Variants in NCS1 observed in about 807,000 individuals in gnomAD.
The protein encoded by NCS1 is frequenin homolog.
In NCS1, 6 loss-of-function variants were observed where a neutral mutation model predicts 28.4. The ratio of observed to expected loss-of-function variants is 0.21; its 90% CI spans 0.12 to 0.42. The LOEUF (loss-of-function observed/expected upper bound fraction) is 0.42. Ranked by LOEUF, NCS1 falls within the 10% of genes least tolerant of loss-of-function variation. The probability of loss-of-function intolerance (pLI) is 1.00; values close to 1 mark genes in which losing one functional copy is unlikely to be tolerated. For synonymous variants in NCS1, 86 were observed against 99.3 expected (o/e 0.87, Z 0.79); for missense variants, 131 against 241.4 (o/e 0.54, Z 3.03).
intron 1 of NCS1, among the ~76,000 whole-genome samples, chr9:130,184,792 T>TG (rs1404386947): frequency 3.8e-5 from 3 of 78,436 alleles, no homozygotes; most frequent in Non-Finnish European, 5.5e-5. Context: ...CACGCCTGGC[T>TG]AATTTTTTTT....
chr9:130,213,659 C>T (rs552614219), intron 2 of NCS1, among the ~76,000 whole-genome samples: 13 of 151,998 alleles, frequency 8.6e-5, no homozygotes, highest in Non-Finnish European at 1.9e-4. Flanking sequence ...GATCTCGGCT[C>T]ACTGCAACCT....
chr9:130,196,414 C>T (rs1247264712), intron 1 of NCS1, among the ~76,000 whole-genome samples: 1 of 152,148 alleles, frequency 6.6e-6, no homozygotes, highest in African/African-American at 2.4e-5. Flanking sequence ...AGGCTGCAGG[C>T]GTCTTGACCC....
rs41279184 is a variant in NCS1, at chr9:130,233,273, C to G, written c.*301C>G. ...ACTTGGCTGCCTCGCAGGCAGCCTCCGTTCCTCCCGCTCTCTTGCGCGTGT... is the reference window on the plus strand; with the variant it reads ...ACTTGGCTGCCTCGCAGGCAGCCTCGGTTCCTCCCGCTCTCTTGCGCGTGT... On this transcript the variant is annotated 3_prime_UTR_variant, in exon 8 of 8. Coordinates refer to ENST00000372398, the MANE Select transcript of NCS1 (RefSeq NM_014286.4). This position sits in a 1 kb window ranked among gnomAD's most constrained non-coding sequence, Gnocchi z 4.8. 5 of 152,202 alleles carry G rather than the reference C, an allele frequency of 3.3e-5. No homozygotes were observed. The highest frequency in any genetic ancestry group is 4.4e-5 in the Non-Finnish European group (3 of 68,044). 9.4% of individuals were successfully genotyped at this position (152,202 alleles called of 1,614,324 possible).
At chr9:130,205,314 G>A (rs1020960407) in intron 2 of NCS1, among the ~76,000 whole-genome samples, 12 of 151,968 alleles carry the variant, frequency 7.9e-5, no homozygotes, top group East Asian at 3.9e-4. Flanking sequence ...GGAGGCTCCC[G>A]CAGCAAAACA....
At chr9:130,176,173 TCTTTCTTTCTTTCTTTCTTTC>T (rs1564700749) in intron 1 of NCS1, among the ~76,000 whole-genome samples, 22 of 105,860 alleles carry the variant, frequency 2.1e-4, no homozygotes, top group African/African-American at 5.6e-4. Flanking sequence ...TTTCTTTCTT[TCTTTCTTTCTTTCTTTCTTTC>T]TTTTTTTTTT....
At position 130,210,843 on chromosome 9, in the gene NCS1, C is replaced by CTTTTTT. The variant is rs3055582; in HGVS notation, c.90-6981_90-6976dup. Among the ~76,000 whole-genome samples, 294 of 141,050 alleles carry CTTTTTT rather than the reference C, an allele frequency of 2.1e-3. 3 individuals are homozygous for CTTTTTT. Among genetic ancestry groups the CTTTTTT allele is most frequent in the African/African-American group, 7.4e-3 (286 of 38,510 alleles). 92.5% of individuals were successfully genotyped at this position (141,050 alleles called of 152,430 possible). On this transcript the variant is annotated intron_variant, in intron 2 of 7. Coordinates refer to ENST00000372398, the MANE Select transcript of NCS1 (RefSeq NM_014286.4). ...TTCAACACCTTTTTCTTTTTCTTTT[C>CTTTTTT]TTTTTTTTTTTTTGAGACAGGGTCT...
chr9:130,173,388 G>T (rs1227775835), intron 1 of NCS1, among the ~76,000 whole-genome samples: 1 of 152,160 alleles, frequency 6.6e-6, no homozygotes, highest in East Asian at 1.9e-4. Context: ...TAGCTGTCGC[G>T]GGCTGCCCGG....
rs782743095 is a variant in NCS1, at chr9:130,192,950, C to T, written c.65-8008C>T. On this transcript the variant is annotated intron_variant, in intron 1 of 7. Transcript: ENST00000372398. This position sits in a 1 kb window ranked among gnomAD's most constrained non-coding sequence, Gnocchi z 4.8. ...TGTCCTCTCTCACAGATGGGGAAAC[C>T]GAAACCCAAACTGGGGAAAAAACCG... 6.6e-5 allele frequency among the ~76,000 whole-genome samples: 10 copies of T among 152,208 alleles called. No homozygotes were observed. The highest frequency in any genetic ancestry group is 9.6e-5 in the African/African-American group (4 of 41,456).
intron 2 of NCS1, among the ~76,000 whole-genome samples, chr9:130,205,004 G>A (rs572823433): frequency 1.3e-5 from 2 of 152,152 alleles, no homozygotes; most frequent in South Asian, 2.1e-4. Flanking sequence ...AAAACCCCAG[G>A]CCCCGACATA....
At chr9:130,224,013 A>AT (rs1229802909) in intron 6 of NCS1, among the ~76,000 whole-genome samples, 1 of 151,640 alleles carries the variant, frequency 6.6e-6, no homozygotes, top group Non-Finnish European at 1.5e-5. Context: ...TACCTGGCTA[A>AT]TTTTTTGTAT....
At chr9:130,228,166 A>T (rs1033548407) in intron 7 of NCS1, among the ~76,000 whole-genome samples, 1 of 151,856 alleles carries the variant, frequency 6.6e-6, no homozygotes, top group Non-Finnish European at 1.5e-5. Flanking sequence ...TGGAAGTGAT[A>T]TCCATCACTT....
rs556362184 is a variant in NCS1 at position 130,219,323 on chromosome 9, T to C, written c.229-402T>C. The stretch of plus-strand genomic sequence containing the variant: ...CTTCATTTGCAAATAAGAGGTGGAA[T>C]TAAACAACCTGCAGCGGCCTTTCCT... On this transcript the variant is annotated intron_variant, in intron 3 of 7. Transcript: ENST00000372398. This position sits in a 1 kb window ranked among gnomAD's most constrained non-coding sequence, Gnocchi z 5.7. Among the ~76,000 whole-genome samples the C allele has an allele frequency of 8.5e-5, 13 of 152,262 alleles. No individual in the cohort carries two copies. The East Asian group carries it at 2.5e-3, about 30-fold the overall frequency.
chr9:130,172,753 C>T, intron 1 of NCS1, 26 bp downstream of exon 1: 1 of 1,411,778 alleles, frequency 7.1e-7, no homozygotes, highest in Middle Eastern at 2.4e-4. Context: ...CCCCAGCCCG[C>T]GCCCCGCGGT....
rs556906501 is a variant in NCS1 at position 130,222,128 on chromosome 9, G to GTATA, written c.308-513_308-510dup. ...TATATATATACGTATATATATATGT[G>GTATA]TATATATATATACGTATATATATAT... On this transcript the variant is annotated intron_variant, in intron 4 of 7. Coordinates refer to ENST00000372398, the MANE Select transcript of NCS1 (RefSeq NM_014286.4). Among the ~76,000 whole-genome samples, 39 of 134,230 alleles carry GTATA rather than the reference G, an allele frequency of 2.9e-4. No individual in the cohort carries two copies. In the East Asian group the frequency reaches 7.9e-3, roughly 27 times the overall value. 88.1% of individuals were successfully genotyped at this position (134,230 alleles called of 152,430 possible).
At chr9:130,221,883 TACATA>T (rs1833312246) in intron 4 of NCS1, among the ~76,000 whole-genome samples, 5 of 420 alleles carry the variant, frequency 0.012, no homozygotes, top group Non-Finnish European at 0.02. Context: ...ATATACATAA[TACATA>T]AATATAAATT....
intron 2 of NCS1, among the ~76,000 whole-genome samples, chr9:130,211,180 A>G (rs1484869329): frequency 6.6e-6 from 1 of 151,812 alleles, no homozygotes; most frequent in Non-Finnish European, 1.5e-5. Context: ...GAGTTCCTGT[A>G]TGCTCAATGC....
At chr9:130,228,051 A>G (rs1201169911) in intron 7 of NCS1, among the ~76,000 whole-genome samples, 3 of 152,222 alleles carry the variant, frequency 2.0e-5, no homozygotes, top group African/African-American at 4.8e-5. Flanking sequence ...ACACCTGCAC[A>G]GGGCTGCCTC....
At chr9:130,212,445 G>A (rs1833125628) in intron 2 of NCS1, among the ~76,000 whole-genome samples, 1 of 150,412 alleles carries the variant, frequency 6.6e-6, no homozygotes, top group Admixed American at 6.7e-5. Context: ...AGGCCTGCAC[G>A]ACAGCGACCT....
At chr9:130,200,432 G>C in intron 1 of NCS1, 1 of 738,080 alleles carries the variant, frequency 1.4e-6, no homozygotes, top group East Asian at 2.7e-5. Context: ...AGCCCGGGCT[G>C]ACCACAGAGA....
Sources: gnomAD v4.1 joint callset for allele counts (sites outside exome capture counted in the v4.1 genomes callset) on GRCh38, gnomAD v4.1.1 for gene constraint, Gnocchi (gnomAD v3.1) non-coding constraint, MANE v1.5 for transcripts, NCBI Gene and HGNC (gene_info 2026-07-23, HGNC 2026-07-21) for gene names.